Variants in FHIT observed in about 807,000 individuals in gnomAD.
The protein encoded by FHIT is bis(5'-adenosyl)-triphosphatase.
Under a neutral mutation model 17.9 loss-of-function variants are expected in FHIT, and 19 were observed. The observed-to-expected ratio is 1.06, with a 90% confidence interval of 0.74 to 1.56. FHIT has a LOEUF of 1.56. Among genes scored for constraint, FHIT ranks in the 40% most tolerant of loss-of-function variants. The probability of loss-of-function intolerance (pLI) is 0.00; values close to 1 mark genes in which losing one functional copy is unlikely to be tolerated. For missense variants in FHIT, 248 were observed against 189.2 expected (o/e 1.31, Z -1.82); for synonymous variants, 81 against 69.7 (o/e 1.16, Z -0.81).
intron 5 of FHIT, among the ~76,000 whole-genome samples, chr3:60,366,053 T>C (rs1700094448): frequency 6.6e-6 from 1 of 152,230 alleles, no homozygotes; most frequent in Non-Finnish European, 1.5e-5. Flanking sequence ...TACATATTTG[T>C]CAGTAATGGG....
intron 3 of FHIT, among the ~76,000 whole-genome samples, chr3:60,941,899 A>T (rs1553774620): frequency 6.6e-6 from 1 of 152,202 alleles, no homozygotes; most frequent in Non-Finnish European, 1.5e-5. Context: ...ACCTTTGTTG[A>T]TCTGCCCTTT....
intron 7 of FHIT, among the ~76,000 whole-genome samples, chr3:59,934,006 C>CT (rs943907081): frequency 6.6e-6 from 1 of 152,086 alleles, no homozygotes; most frequent in Non-Finnish European, 1.5e-5. Flanking sequence ...AACAGGGCCC[C>CT]TCAAGCTCTA....
At chr3:59,997,942 T>C (rs1409565162) in intron 7 of FHIT, among the ~76,000 whole-genome samples, 1 of 152,154 alleles carries the variant, frequency 6.6e-6, no homozygotes, top group Non-Finnish European at 1.5e-5. Context: ...ATTTCTTCCC[T>C]ATTTGTAAGT....
At chr3:61,076,614 T>G (rs971374216) in intron 2 of FHIT, among the ~76,000 whole-genome samples, 1 of 152,218 alleles carries the variant, frequency 6.6e-6, no homozygotes, top group African/African-American at 2.4e-5. Context: ...AATTACTTAT[T>G]GAGTCTTTAA....
intron 5 of FHIT, among the ~76,000 whole-genome samples, chr3:60,251,036 CT>C (rs1705683055): frequency 6.6e-6 from 1 of 152,184 alleles, no homozygotes; most frequent in Admixed American, 6.5e-5. Context: ...TGCAAACAAA[CT>C]CTATTACTTC....
At chr3:60,493,462 A>G (rs1188705811) in intron 5 of FHIT, among the ~76,000 whole-genome samples, 1 of 152,180 alleles carries the variant, frequency 6.6e-6, no homozygotes, top group Admixed American at 6.5e-5. Context: ...TGTGAAGAGA[A>G]CCTGTCAAAT....
chr3:60,723,905 G>A (rs2041862147), intron 4 of FHIT, among the ~76,000 whole-genome samples: 2 of 152,200 alleles, frequency 1.3e-5, no homozygotes, highest in South Asian at 4.1e-4. Context: ...AGCGAGCAAA[G>A]CATTAATTCT....
At position 60,351,753 on chromosome 3, in the gene FHIT, C is replaced by T. The variant is rs113433708; in HGVS notation, c.103+185107G>A. 3.2e-3 allele frequency among the ~76,000 whole-genome samples: 480 copies of T among 152,210 alleles called. 1 individual carries two copies. Among genetic ancestry groups the T allele is most frequent in the African/African-American group, 0.011 (448 of 41,506 alleles). ...GAATCTAATAGTCTAGTACTCAGCT[C>T]GCAAGGAAACCAGTCAGTCATCTTT... On this transcript the variant is annotated intron_variant, in intron 5 of 9. Transcript: ENST00000492590.
At chr3:61,188,584 A>C (rs199789288) in intron 2 of FHIT, among the ~76,000 whole-genome samples, 6,750 of 152,312 alleles carry the variant, frequency 0.044, 456 homozygotes, top group East Asian at 0.24. Context: ...TCATTTTATG[A>C]GGCCAGCATC....
chr3:59,892,985 C>G (rs946384042), intron 8 of FHIT, among the ~76,000 whole-genome samples: 5 of 152,116 alleles, frequency 3.3e-5, no homozygotes, highest in African/African-American at 1.2e-4. Context: ...ATTTAAAAAG[C>G]TGAATTACTC....
chr3:60,705,174 C>T (rs2041343055), intron 4 of FHIT, among the ~76,000 whole-genome samples: 1 of 152,010 alleles, frequency 6.6e-6, no homozygotes, highest in Non-Finnish European at 1.5e-5. Flanking sequence ...CACTGCATTA[C>T]AATTTTCAAA....
chr3:60,815,538 G>A (rs1553737397), intron 4 of FHIT, among the ~76,000 whole-genome samples: 1 of 152,124 alleles, frequency 6.6e-6, no homozygotes, highest in East Asian at 1.9e-4. Context: ...AGATCAGATG[G>A]TTGTAAGTGT....
At chr3:59,815,791 A>G (rs1049554881) in intron 8 of FHIT, among the ~76,000 whole-genome samples, 5 of 152,158 alleles carry the variant, frequency 3.3e-5, no homozygotes, top group Non-Finnish European at 7.4e-5. Context: ...TACAGTGTAC[A>G]CTACTTGGGT....
intron 3 of FHIT, among the ~76,000 whole-genome samples, chr3:60,994,031 T>A (rs982179360): frequency 1.3e-5 from 2 of 152,204 alleles, no homozygotes; most frequent in Non-Finnish European, 2.9e-5. Flanking sequence ...AAGAAGAATA[T>A]AAAATATGAT....
At chr3:60,029,130 CTTCT>C (rs768158392) in intron 5 of FHIT, among the ~76,000 whole-genome samples, 6 of 152,136 alleles carry the variant, frequency 3.9e-5, no homozygotes, top group South Asian at 2.1e-4. Context: ...TCGTTTTTTA[CTTCT>C]TTCATTATAT....
intron 5 of FHIT, among the ~76,000 whole-genome samples, chr3:60,257,627 G>A (rs1281747244): frequency 6.6e-6 from 1 of 152,190 alleles, no homozygotes; most frequent in Non-Finnish European, 1.5e-5. Context: ...GGAGCAGGAG[G>A]AGGACAAGGA....
intron 5 of FHIT, among the ~76,000 whole-genome samples, chr3:60,204,150 A>G (rs891720769): frequency 1.3e-5 from 2 of 152,228 alleles, no homozygotes; most frequent in Non-Finnish European, 2.9e-5. Context: ...TGGTGGGATT[A>G]TTACTCATTG....
intron 4 of FHIT, among the ~76,000 whole-genome samples, chr3:60,818,364 G>C (rs889354707): frequency 7.9e-5 from 12 of 152,082 alleles, no homozygotes; most frequent in Non-Finnish European, 1.8e-4. Flanking sequence ...TCCTGTTATA[G>C]TTTTCTGAAG....
chr3:60,624,669 A>G (rs1246267555), intron 4 of FHIT, among the ~76,000 whole-genome samples: 5 of 152,224 alleles, frequency 3.3e-5, no homozygotes, highest in African/African-American at 1.2e-4. Context: ...AGCAATGTTA[A>G]TAATGTTAAA....
Sources: gnomAD v4.1 joint callset for allele counts (sites outside exome capture counted in the v4.1 genomes callset) on GRCh38, gnomAD v4.1.1 for gene constraint, MANE v1.5 for transcripts, NCBI Gene and HGNC (gene_info 2026-07-23, HGNC 2026-07-21) for gene names.